Variants in MECOM observed in about 807,000 individuals in gnomAD.
MECOM encodes the protein MDS1 and EVI1 complex locus, also known as histone-lysine N-methyltransferase MECOM.
MECOM carries 13 observed loss-of-function variants against 116.3 expected under a neutral mutation model. That is an observed-to-expected ratio of 0.11 (90% CI 0.07 to 0.18). MECOM has a LOEUF of 0.18. MECOM is among the 10% of genes least tolerant of loss of function. The pLI is 1.00. For missense variants in MECOM, 1,299 were observed against 1,509.0 expected (o/e 0.86, Z 2.31); for synonymous variants, 528 against 535.2 (o/e 0.99, Z 0.19).
At chr3:169,146,775 C>T in intron 2 of MECOM, 1 of 1,145,956 alleles carries the variant, frequency 8.7e-7, no homozygotes. Flanking sequence ...ACAGAAGAAT[C>T]AAAATAAACA....
intron 1 of MECOM, among the ~76,000 whole-genome samples, chr3:169,510,369 C>T (rs1414802702): frequency 6.6e-6 from 1 of 152,198 alleles, no homozygotes; most frequent in African/African-American, 2.4e-5. Flanking sequence ...TTTTCTCATA[C>T]TTGTTCTAAG....
At chr3:169,273,294 A>G (rs1169589895) in intron 2 of MECOM, among the ~76,000 whole-genome samples, 5 of 152,216 alleles carry the variant, frequency 3.3e-5, no homozygotes, top group Non-Finnish European at 7.3e-5. Context: ...TCAAAATCAC[A>G]GAGATAGATT....
At chr3:169,185,334 G>A (rs1397106897) in intron 2 of MECOM, among the ~76,000 whole-genome samples, 5 of 152,092 alleles carry the variant, frequency 3.3e-5, no homozygotes, top group South Asian at 4.1e-4. Context: ...TGAATGAACC[G>A]TGGTCTAGAA....
chr3:169,212,633 AATGTATATATATAT>A (rs1200638746), intron 2 of MECOM, among the ~76,000 whole-genome samples: 3,331 of 85,484 alleles, frequency 0.039, 356 homozygotes, highest in Middle Eastern at 0.06. Flanking sequence ...TCTAGTCAGC[AATGTATATATATAT>A]ATATATATAT....
intron 9 of MECOM, among the ~76,000 whole-genome samples, chr3:169,112,332 G>C (rs1025741545): frequency 6.6e-6 from 1 of 152,098 alleles, no homozygotes; most frequent in Non-Finnish European, 1.5e-5. Context: ...GTGGTCTCTA[G>C]ATAAATTCCT....
chr3:169,541,449 A>G (rs550406497), intron 1 of MECOM, among the ~76,000 whole-genome samples: 1 of 152,346 alleles, frequency 6.6e-6, no homozygotes, highest in East Asian at 1.9e-4. Context: ...AGCTCTCCAG[A>G]TCCTCTCAGA....
At chr3:169,242,779 T>C (rs977152008) in intron 2 of MECOM, among the ~76,000 whole-genome samples, 1 of 152,158 alleles carries the variant, frequency 6.6e-6, no homozygotes, top group Non-Finnish European at 1.5e-5. Flanking sequence ...TGTGCTATCA[T>C]TTATCATAAC....
intron 2 of MECOM, among the ~76,000 whole-genome samples, chr3:169,287,643 T>A (rs1250535447): frequency 6.6e-6 from 1 of 152,214 alleles, no homozygotes; most frequent in Non-Finnish European, 1.5e-5. Context: ...AATCCTATAT[T>A]CATTTTTTTC....
At chr3:169,190,613 G>C (rs1376206283) in intron 2 of MECOM, among the ~76,000 whole-genome samples, 1 of 152,046 alleles carries the variant, frequency 6.6e-6, no homozygotes. Context: ...GTAAAGTTCA[G>C]AGAAGTGGCT....
intron 2 of MECOM, among the ~76,000 whole-genome samples, chr3:169,320,012 G>A (rs1720573751): frequency 6.6e-6 from 1 of 152,196 alleles, no homozygotes; most frequent in African/African-American, 2.4e-5. Context: ...TTTGCCCAGA[G>A]CAATTTCAGA....
chr3:169,441,433 C>T (rs1743656207), intron 1 of MECOM, among the ~76,000 whole-genome samples: 1 of 152,162 alleles, frequency 6.6e-6, no homozygotes, highest in Non-Finnish European at 1.5e-5. Context: ...CATTCACTGA[C>T]ATATACTAGT....
chr3:169,281,686 C>A (rs1277036463), intron 2 of MECOM, among the ~76,000 whole-genome samples: 2 of 152,052 alleles, frequency 1.3e-5, no homozygotes, highest in Non-Finnish European at 1.5e-5. Context: ...GTGGCATGTA[C>A]CTGCAGTCCC....
chr3:169,147,388 CTT>C lies in MECOM; in HGVS notation c.376-3558_376-3557del. ...CGGGTTTCTATTTCATGAACTGTCT[CTT>C]TAAAGAGGATCTGCTCGGCCATCCA... On this transcript the variant is annotated intron_variant, in intron 2 of 16. Coordinates refer to ENST00000651503, the MANE Select transcript of MECOM (RefSeq NM_004991.4). 3 of 985,488 alleles carry C rather than the reference CTT, an allele frequency of 3.0e-6. No individual in the cohort carries two copies. In the South Asian group the frequency reaches 1.4e-4, roughly 46 times the overall value. The allele number at this position is 985,488 out of a possible 1,614,324, so 61.0% of individuals were successfully genotyped here.
At chr3:169,152,873 G>A (rs1259253541) in intron 2 of MECOM, among the ~76,000 whole-genome samples, 2 of 152,176 alleles carry the variant, frequency 1.3e-5, no homozygotes, top group Non-Finnish European at 2.9e-5. Flanking sequence ...TGGCCAGAAT[G>A]AGAGCAGATT....
intron 2 of MECOM, among the ~76,000 whole-genome samples, chr3:169,175,452 G>C (rs149249189): frequency 1.3e-5 from 2 of 152,116 alleles, no homozygotes; most frequent in Non-Finnish European, 2.9e-5. Flanking sequence ...TTCAGGTTAT[G>C]TGCATAAGGT....
At chr3:169,175,047 G>A (rs1744943647) in intron 2 of MECOM, among the ~76,000 whole-genome samples, 1 of 152,132 alleles carries the variant, frequency 6.6e-6, no homozygotes, top group South Asian at 2.1e-4. Context: ...AAATTGGACA[G>A]AACTGTGTTC....
rs527485930 is a variant in MECOM, at chr3:169,470,460, A to T, written c.38-88936T>A. Reference sequence around the variant, plus strand: ...GGTCCTGGCAACCAGATACAAATTTATTCCTTTAGGAGCCCTGTCCTTTCT... The same window carrying T: ...GGTCCTGGCAACCAGATACAAATTTTTTCCTTTAGGAGCCCTGTCCTTTCT... On this transcript the variant is annotated intron_variant, in intron 1 of 16. Transcript: ENST00000651503. Among the ~76,000 whole-genome samples the T allele has an allele frequency of 1.9e-4, 29 of 152,352 alleles. No homozygotes were observed. The South Asian group carries it at 2.9e-3, about 15-fold the overall frequency.
At chr3:169,436,224 AG>A (rs1036876075) in intron 1 of MECOM, among the ~76,000 whole-genome samples, 3 of 150,226 alleles carry the variant, frequency 2.0e-5, no homozygotes, top group Non-Finnish European at 3.0e-5. Flanking sequence ...CAAAAAAAAA[AG>A]GGAAATTCTG....
intron 1 of MECOM, among the ~76,000 whole-genome samples, chr3:169,440,318 C>T (rs1194979490): frequency 3.3e-5 from 5 of 152,080 alleles, no homozygotes; most frequent in Non-Finnish European, 7.4e-5. Context: ...GTTTGGAAGC[C>T]TTCTTGTTGA....
Sources: gnomAD v4.1 joint callset for allele counts (sites outside exome capture counted in the v4.1 genomes callset) on GRCh38, gnomAD v4.1.1 for gene constraint, MANE v1.5 for transcripts, NCBI Gene and HGNC (gene_info 2026-07-23, HGNC 2026-07-21) for gene names.